Variants in IMMP2L observed in about 807,000 individuals in gnomAD.
IMMP2L encodes the protein mitochondrial inner membrane protease subunit 2.
Under a neutral mutation model 19.3 loss-of-function variants are expected in IMMP2L, and 18 were observed. That is an observed-to-expected ratio of 0.93 (90% CI 0.64 to 1.38). The LOEUF is 1.38. Among genes scored for constraint, IMMP2L ranks in the 40% most tolerant of loss-of-function variants. The pLI is 0.00. For missense variants in IMMP2L, 233 were observed against 218.2 expected (o/e 1.07, Z -0.43); for synonymous variants, 76 against 73.0 (o/e 1.04, Z -0.21).
intron 3 of IMMP2L, among the ~76,000 whole-genome samples, chr7:111,065,490 T>C (rs1794405586): frequency 6.6e-6 from 1 of 152,184 alleles, no homozygotes; most frequent in Admixed American, 6.5e-5. Context: ...AAAGTATTGG[T>C]CCTGGGTCTG....
At chr7:110,720,758 G>A (rs951549852) in intron 5 of IMMP2L, among the ~76,000 whole-genome samples, 1 of 152,092 alleles carries the variant, frequency 6.6e-6, no homozygotes, top group Non-Finnish European at 1.5e-5. Flanking sequence ...AATCGTTTAA[G>A]TGCACTTCTC....
intron 3 of IMMP2L, among the ~76,000 whole-genome samples, chr7:111,233,184 C>T (rs773243858): frequency 6.6e-6 from 1 of 152,200 alleles, no homozygotes; most frequent in Middle Eastern, 3.4e-3. Context: ...CATAAGTTAG[C>T]CACTTTTTAA....
chr7:111,450,369 A>G (rs1285491821), intron 3 of IMMP2L, among the ~76,000 whole-genome samples: 1 of 152,084 alleles, frequency 6.6e-6, no homozygotes, highest in Non-Finnish European at 1.5e-5. Flanking sequence ...AGAGATATAG[A>G]TCAATGGAAC....
intron 3 of IMMP2L, among the ~76,000 whole-genome samples, chr7:111,257,667 T>C (rs1816860465): frequency 6.6e-6 from 1 of 152,300 alleles, no homozygotes; most frequent in East Asian, 1.9e-4. Context: ...CGTTTCTCTA[T>C]AAATTAAAAA....
rs79481768 is a variant in IMMP2L, at chr7:111,497,524, G to T, written c.136-10183C>A. ...TGTGGAAAAATATATATTTGGATAT[G>T]TCTGGAGAATAAGTGAAAAATGCGA... On this transcript the variant is annotated intron_variant, in intron 2 of 5. Transcript: ENST00000405709. 1.3e-4 allele frequency among the ~76,000 whole-genome samples: 20 copies of T among 152,200 alleles called. No homozygotes were observed. The South Asian group carries it at 3.5e-3, about 27-fold the overall frequency.
At chr7:111,418,787 TA>T (rs1408398087) in intron 3 of IMMP2L, among the ~76,000 whole-genome samples, 1 of 151,994 alleles carries the variant, frequency 6.6e-6, no homozygotes, top group East Asian at 1.9e-4. Flanking sequence ...AGATTGCTCC[TA>T]AAACAAACAT....
chr7:111,016,251 T>C (rs534738074), intron 3 of IMMP2L, among the ~76,000 whole-genome samples: 2 of 150,704 alleles, frequency 1.3e-5, no homozygotes, highest in South Asian at 4.2e-4. Flanking sequence ...CAGATAAGAA[T>C]ATAGAATGAA....
intron 5 of IMMP2L, among the ~76,000 whole-genome samples, chr7:110,717,203 G>A (rs368336510): frequency 1.2e-4 from 19 of 152,196 alleles, no homozygotes; most frequent in Admixed American, 7.2e-4. Flanking sequence ...CAAGCCGGGC[G>A]TGGTGGCACA....
rs140565129 is a variant in IMMP2L, at chr7:111,131,789, T to C, written c.240-168224A>G. On this transcript the variant is annotated intron_variant, in intron 3 of 5. Transcript: ENST00000405709. ...TCAGTCTCAGAGAAGTATTTAAGTATTTTTCCCCAAGAAAACATACGAACT... is the reference window on the plus strand; with the variant it reads ...TCAGTCTCAGAGAAGTATTTAAGTACTTTTCCCCAAGAAAACATACGAACT... Among the ~76,000 whole-genome samples the C allele has an allele frequency of 2.4e-3, 365 of 152,004 alleles. 2 individuals carry two copies. Among genetic ancestry groups the C allele is most frequent in the African/African-American group, 6.1e-3 (255 of 41,520 alleles).
At chr7:110,729,069 T>C (rs917643709) in intron 5 of IMMP2L, among the ~76,000 whole-genome samples, 3 of 152,040 alleles carry the variant, frequency 2.0e-5, no homozygotes, top group African/African-American at 7.2e-5. Flanking sequence ...ATTTTTAGTA[T>C]AGATGGGGTT....
intron 3 of IMMP2L, among the ~76,000 whole-genome samples, chr7:111,070,337 T>C (rs1170912400): frequency 6.6e-6 from 1 of 152,212 alleles, no homozygotes; most frequent in Non-Finnish European, 1.5e-5. Context: ...TAAAGTAGCA[T>C]ACTGTATGGC....
At chr7:111,503,670 AC>A (rs1193398245) in intron 2 of IMMP2L, among the ~76,000 whole-genome samples, 2 of 152,042 alleles carry the variant, frequency 1.3e-5, no homozygotes, top group Admixed American at 1.3e-4. Context: ...TTCAACATAC[AC>A]AAATCAATAA....
intron 3 of IMMP2L, among the ~76,000 whole-genome samples, chr7:111,309,009 A>G (rs1467902384): frequency 1.3e-5 from 2 of 152,150 alleles, no homozygotes; most frequent in Non-Finnish European, 2.9e-5. Flanking sequence ...AATTTAAACT[A>G]GTGCATCATT....
chr7:110,816,648 TC>T (rs1802546877), intron 5 of IMMP2L, among the ~76,000 whole-genome samples: 1 of 151,048 alleles, frequency 6.6e-6, no homozygotes, highest in Non-Finnish European at 1.5e-5. Flanking sequence ...ATCTGGGTGC[TC>T]CTGTATTGGG....
At chr7:110,921,128 TA>T (rs1453136684) in intron 4 of IMMP2L, among the ~76,000 whole-genome samples, 1 of 152,222 alleles carries the variant, frequency 6.6e-6, no homozygotes, top group Non-Finnish European at 1.5e-5. Context: ...TTGAAGCATT[TA>T]AGTGAGATAA....
intron 5 of IMMP2L, among the ~76,000 whole-genome samples, chr7:110,735,652 A>AATATAT (rs138161100): frequency 0.26 from 32,824 of 125,682 alleles, 5,427 homozygotes; most frequent in East Asian, 0.49. Flanking sequence ...ATATTAGACA[A>AATATAT]ATATATATAT....
At chr7:111,141,249 CAATTT>C (rs1215632690) in intron 3 of IMMP2L, among the ~76,000 whole-genome samples, 1 of 151,824 alleles carries the variant, frequency 6.6e-6, no homozygotes. Context: ...GTCTTTGATA[CAATTT>C]AATTCCTTTG....
rs145071602 is a variant in IMMP2L at position 111,309,987 on chromosome 7, C to G, written c.239+177251G>C. On this transcript the variant is annotated intron_variant, in intron 3 of 5. Transcript: ENST00000405709. ...CGGTGGCTCACACCTGTAATCCCAG[C>G]ACTTTGGGAGGCCAAGGCGGGTGGA... Among the ~76,000 whole-genome samples, 554 of 152,164 alleles carry G rather than the reference C, an allele frequency of 3.6e-3. 4 individuals are homozygous for G. The highest frequency in any genetic ancestry group is 0.013 in the African/African-American group (527 of 41,512).
chr7:110,783,065 G>C (rs1027819092), intron 5 of IMMP2L, among the ~76,000 whole-genome samples: 1 of 151,836 alleles, frequency 6.6e-6, no homozygotes, highest in African/African-American at 2.4e-5. Context: ...TGAGTACACC[G>C]AGGTTGGAGC....
Sources: gnomAD v4.1 joint callset for allele counts (sites outside exome capture counted in the v4.1 genomes callset) on GRCh38, gnomAD v4.1.1 for gene constraint, MANE v1.5 for transcripts, NCBI Gene and HGNC (gene_info 2026-07-23, HGNC 2026-07-21) for gene names.